PARD3: variants seen among roughly 807,000 people sequenced by gnomAD.
PARD3 encodes partitioning defective 3 homolog.
In PARD3, 75 loss-of-function variants were observed where a neutral mutation model predicts 155.4. The observed-to-expected ratio is 0.48, with a 90% CI of 0.40 to 0.58. PARD3 has a LOEUF of 0.58. Among genes scored for constraint, PARD3 ranks in the 20% least tolerant of loss-of-function variants. PARD3 has a pLI of 0.00. For missense variants in PARD3, 1,642 were observed against 1,721.7 expected, an observed-to-expected ratio of 0.95 and a Z score of 0.82; for synonymous variants, 576 against 610.5, an observed-to-expected ratio of 0.94 and a Z score of 0.83.
intron 22 of PARD3, among the ~76,000 whole-genome samples, chr10:34,227,856 T>TATACATA (rs1554814034): frequency 2.4e-5 from 2 of 82,278 alleles, no homozygotes; most frequent in Non-Finnish European, 4.7e-5. Context: ...GAATTATTTT[T>TATACATA]TATATATATA....
chr10:34,119,576 C>CG (rs755134770), intron 24 of PARD3, 37 bp downstream of exon 24: 8 of 1,568,180 alleles, frequency 5.1e-6, no homozygotes, highest in East Asian at 2.3e-5. Context: ...CTTAAAGGGC[C>CG]GGGGGGATCT....
At chr10:34,552,940 C>A (rs1210175318) in intron 2 of PARD3, among the ~76,000 whole-genome samples, 1 of 152,168 alleles carries the variant, frequency 6.6e-6, no homozygotes, top group Non-Finnish European at 1.5e-5. Context: ...GTAACACCAA[C>A]TGAAACTACG....
intron 7 of PARD3, among the ~76,000 whole-genome samples, chr10:34,384,651 C>T (rs574817895): frequency 3.3e-5 from 5 of 152,244 alleles, no homozygotes; most frequent in East Asian, 3.9e-4. Flanking sequence ...GCTTAAAAGA[C>T]GACTGCAACT....
Position 34,327,955 on chromosome 10 carries a change from T to C in PARD3, c.2833+3162A>G, listed in dbSNP as rs376159067. 4.3e-4 allele frequency among the ~76,000 whole-genome samples: 65 copies of C among 152,142 alleles called. 1 individual carries two copies. The South Asian group carries it at 0.012, about 29-fold the overall frequency. On this transcript the variant is annotated intron_variant, in intron 19 of 24. Coordinates refer to ENST00000374788, the MANE Select transcript of PARD3 (RefSeq NM_001184785.2). ...CCAGAAGGGCAAAAATGCAGGAGCA[T>C]AGCCACAGAGACAGCAAGTCCAGAG...
At chr10:34,144,880 A>T (rs1011320067) in intron 22 of PARD3, among the ~76,000 whole-genome samples, 5 of 151,990 alleles carry the variant, frequency 3.3e-5, no homozygotes, top group African/African-American at 9.7e-5. Context: ...AGCTCCCACC[A>T]CATACGCCAA....
At chr10:34,643,788 G>A (rs146538467) in intron 2 of PARD3, among the ~76,000 whole-genome samples, 8,611 of 152,150 alleles carry the variant, frequency 0.057, 312 homozygotes, top group Middle Eastern at 0.088. Flanking sequence ...ATGGTGGTGC[G>A]CACCTGTAGT....
At chr10:34,534,776 C>T (rs551522173) in intron 2 of PARD3, among the ~76,000 whole-genome samples, 1 of 152,014 alleles carries the variant, frequency 6.6e-6, no homozygotes. Context: ...TTTGGGAGGC[C>T]GAGGTTGGGG....
At chr10:34,423,347 A>C (rs1463980322) in intron 5 of PARD3, among the ~76,000 whole-genome samples, 1 of 152,100 alleles carries the variant, frequency 6.6e-6, no homozygotes, top group Non-Finnish European at 1.5e-5. Context: ...TGTTGGTAAA[A>C]GTATACAAAA....
In PARD3 at chr10:34,205,620, C is replaced by T. The variant is rs553298516; in HGVS notation, c.3419+64037G>A. On this transcript the variant is annotated intron_variant, in intron 22 of 24. Transcript: ENST00000374788. The stretch of plus-strand genomic sequence containing the variant: ...CCAGGCTCTAAGAAGAGGAAGTGGG[C>T]GGCCAGGGAGAGGGTGAAGCGATGT... Among the ~76,000 whole-genome samples the T allele has an allele frequency of 1.1e-4, 17 of 152,118 alleles. 1 individual carries two copies. The East Asian group carries it at 2.5e-3, about 22-fold the overall frequency.
At chr10:34,284,276 A>C in intron 20 of PARD3, 31 bp from the exon 21 acceptor site, 1 of 1,262,124 alleles carries the variant, frequency 7.9e-7, no homozygotes, top group Admixed American at 1.8e-5. Flanking sequence ...TAACTTGTCA[A>C]TATATACAAA....
chr10:34,359,501 T>C (rs1055031272), intron 13 of PARD3, among the ~76,000 whole-genome samples, 184 bp from the exon 14 acceptor site: 7 of 152,190 alleles, frequency 4.6e-5, no homozygotes, highest in Non-Finnish European at 1.0e-4. Flanking sequence ...TATTGTAGCC[T>C]GTGTCTATTT....
intron 22 of PARD3, among the ~76,000 whole-genome samples, chr10:34,163,463 C>T (rs1000364866): frequency 3.3e-5 from 5 of 152,208 alleles, no homozygotes; most frequent in East Asian, 1.9e-4. Flanking sequence ...AAAGGAATGT[C>T]GGTTTGGCTG....
At chr10:34,418,379 G>A (rs1845871584) in intron 5 of PARD3, among the ~76,000 whole-genome samples, 1 of 152,044 alleles carries the variant, frequency 6.6e-6, no homozygotes, top group South Asian at 2.1e-4. Context: ...TCTCCATGTT[G>A]CCCAGACTAG....
chr10:34,343,468 G>A, intron 15 of PARD3: 1 of 981,968 alleles, frequency 1.0e-6, no homozygotes, highest in Non-Finnish European at 1.2e-6. Flanking sequence ...TAGATAAATG[G>A]CAAGAAATCT....
intron 22 of PARD3, among the ~76,000 whole-genome samples, chr10:34,150,559 G>A (rs896906560): frequency 6.6e-6 from 1 of 152,200 alleles, no homozygotes; most frequent in African/African-American, 2.4e-5. Flanking sequence ...GTTACAATGT[G>A]CTGGGTTTGA....
chr10:34,703,679 A>C (rs1234599126), intron 1 of PARD3, among the ~76,000 whole-genome samples: 1 of 152,192 alleles, frequency 6.6e-6, no homozygotes, highest in Non-Finnish European at 1.5e-5. Context: ...GCAGACATAC[A>C]CCAAGGCACA....
At chr10:34,251,477 G>T (rs868376270) in intron 22 of PARD3, among the ~76,000 whole-genome samples, 17 of 152,298 alleles carry the variant, frequency 1.1e-4, no homozygotes, top group Middle Eastern at 6.8e-3. Flanking sequence ...AGTGAGGTAA[G>T]TGTTATTATC....
chr10:34,623,399 G>A (rs2091807307), intron 2 of PARD3, among the ~76,000 whole-genome samples: 1 of 152,030 alleles, frequency 6.6e-6, no homozygotes, highest in African/African-American at 2.4e-5. Flanking sequence ...TCTTTGAATA[G>A]GCCCTCAAAC....
chr10:34,710,177 C>T (rs76448860), intron 1 of PARD3, among the ~76,000 whole-genome samples: 2,047 of 152,218 alleles, frequency 0.013, 46 homozygotes, highest in African/African-American at 0.047. Context: ...CACGTAAAAA[C>T]AGGAAACAGG....
Sources: allele counts gnomAD v4.1 joint callset (sites outside exome capture counted in the v4.1 genomes callset), GRCh38; gene constraint gnomAD v4.1.1; transcripts MANE v1.5; gene names NCBI Gene and HGNC (gene_info 2026-07-23, HGNC 2026-07-21).